The following KTN1 variants were observed in gnomAD, a reference collection of about 807,000 sequenced individuals.
KTN1 encodes kinectin.
KTN1 carries 130 observed loss-of-function variants against 222.5 expected under a neutral mutation model. The observed-to-expected ratio is 0.58, with a 90% CI of 0.51 to 0.68. The LOEUF (loss-of-function observed/expected upper bound fraction) is 0.68, where lower values mean the gene tolerates loss of function less well. KTN1 is among the 30% of genes least tolerant of loss of function. The probability of loss-of-function intolerance (pLI) is 0.00; values close to 1 mark genes in which losing one functional copy is unlikely to be tolerated. For missense variants in KTN1, 1,508 were observed against 1,500.4 expected (o/e 1.01, Z -0.08); for synonymous variants, 512 against 496.3 (o/e 1.03, Z -0.42).
At chr14:55,641,294 G>A (rs115810209) in intron 17 of KTN1, 86 bp downstream of exon 17, 21 of 738,308 alleles carry the variant, frequency 2.8e-5, no homozygotes, top group African/African-American at 2.1e-4. Flanking sequence ...ACTACGTTTT[G>A]TATGAAGTCA....
intron 1 of KTN1, among the ~76,000 whole-genome samples, chr14:55,588,221 GCTA>G (rs537550821): frequency 6.6e-6 from 1 of 152,076 alleles, no homozygotes; most frequent in Non-Finnish European, 1.5e-5. Flanking sequence ...AAAAGAAAAT[GCTA>G]CTAAGAAAAT....
rs2041602202 is a variant in KTN1, at chr14:55,639,992, GAGGAACTTA to G, written c.1907_1914+1del. 6.3e-7 allele frequency: 1 copy of G among 1,591,366 alleles called. No homozygotes were observed. The highest frequency in any genetic ancestry group is 1.3e-5 in the African/African-American group (1 of 74,386). ...ACGTGATCGTTTAACAAGTAAAGAA[GAGGAACTTA>G]AGGTATAGTAATTTGTATAAATGGC... is the stretch of plus-strand genomic sequence containing the variant. On this transcript the variant is annotated inframe_deletion and splice_region_variant, in exon 14 of 44. Coordinates refer to ENST00000395314, the MANE Select transcript of KTN1 (RefSeq NM_001079521.2).
intron 28 of KTN1, 109 bp downstream of exon 28, chr14:55,653,705 T>C: frequency 1.3e-6 from 1 of 751,150 alleles, no homozygotes. Flanking sequence ...ACTTTATTGT[T>C]AAGTGGAAAT....
At chr14:55,652,500 G>C (rs2043023621) in intron 25 of KTN1, among the ~76,000 whole-genome samples, 2 of 149,360 alleles carry the variant, frequency 1.3e-5, no homozygotes, top group African/African-American at 4.9e-5. Flanking sequence ...CCGGGTTCAA[G>C]TGATTGTCTT....
chr14:55,619,635 G>T (rs1344996524), intron 5 of KTN1, among the ~76,000 whole-genome samples: 1 of 152,118 alleles, frequency 6.6e-6, no homozygotes, highest in East Asian at 1.9e-4. Context: ...TGAGAATCAA[G>T]CGAAAGGGGT....
chr14:55,611,099 T>G (rs568370387), intron 1 of KTN1, among the ~76,000 whole-genome samples: 2 of 152,166 alleles, frequency 1.3e-5, no homozygotes, highest in South Asian at 4.1e-4. Flanking sequence ...ACTATTTTAT[T>G]TTTTTGAGAC....
intron 1 of KTN1, among the ~76,000 whole-genome samples, chr14:55,607,065 G>C (rs1017171482): frequency 6.6e-6 from 1 of 152,002 alleles, no homozygotes; most frequent in Non-Finnish European, 1.5e-5. Context: ...TGGTTAAGCA[G>C]CTCTATTGAA....
At chr14:55,683,736 C>A in intron 43 of KTN1, 1 of 180,490 alleles carries the variant, frequency 5.5e-6, no homozygotes, top group Non-Finnish European at 1.1e-5. Flanking sequence ...TATTTCTGCT[C>A]TTTTAAATTA....
chr14:55,613,046 C>A (rs574894920), intron 2 of KTN1, among the ~76,000 whole-genome samples: 8 of 152,270 alleles, frequency 5.3e-5, no homozygotes, highest in African/African-American at 1.9e-4. Context: ...AATCAGATAT[C>A]ATTTCTCACC....
At chr14:55,587,820 A>G (rs1374489618) in intron 1 of KTN1, among the ~76,000 whole-genome samples, 3 of 152,148 alleles carry the variant, frequency 2.0e-5, no homozygotes, top group Non-Finnish European at 2.9e-5. Context: ...CTGGAGAATC[A>G]TTTCTTAAAT....
At chr14:55,652,985 T>A in intron 26 of KTN1, 32 bp from the exon 27 acceptor site, 1 of 1,581,998 alleles carries the variant, frequency 6.3e-7, no homozygotes, top group Non-Finnish European at 8.7e-7. Flanking sequence ...TATACTTGAC[T>A]ATCAATTTAA....
chr14:55,633,092 A>G, intron 7 of KTN1, 143 bp from the exon 8 acceptor site: 1 of 459,306 alleles, frequency 2.2e-6, no homozygotes, highest in Non-Finnish European at 3.9e-6. Flanking sequence ...ATTCTTTTAA[A>G]TTTGTTTATA....
Position 55,656,084 on chromosome 14 carries a change from G to A in KTN1, c.2844G>A (p.Met948Ile). Residue 948 changes from methionine to isoleucine, a missense_variant, in exon 29 of 44, where the codon ATG becomes ATA. Transcript: ENST00000395314. ...ATGAATTGAAGAGGTTAGAAGCCAT[G>A]CTAAAAGAGAGGGAGAGTGATCTTT... ...KENELKRLEAMLKERESDLSS... is the reference protein window; with the variant it reads ...KENELKRLEAILKERESDLSS... The A allele has an allele frequency of 6.2e-7, 1 of 1,611,606 alleles. No individual in the cohort carries two copies. Among genetic ancestry groups the A allele is most frequent in the South Asian group, 1.1e-5 (1 of 90,892 alleles).
At chr14:55,619,371 C>T (rs990205311) in intron 5 of KTN1, 59 bp downstream of exon 5, 2 of 1,552,326 alleles carry the variant, frequency 1.3e-6, no homozygotes. Flanking sequence ...GTTCACCAAA[C>T]AAGACTTTAG....
chr14:55,606,198 A>G (rs1177521560), intron 1 of KTN1, among the ~76,000 whole-genome samples: 2 of 152,204 alleles, frequency 1.3e-5, no homozygotes, highest in Non-Finnish European at 2.9e-5. Flanking sequence ...AAATAATGAA[A>G]TAAAGCTCTT....
Position 55,646,506 on chromosome 14 carries a change from TTTCCTTTCCTTTCC to T in KTN1, c.2173-464_2173-451del, listed in dbSNP as rs1483612448. On this transcript the variant is annotated intron_variant, in intron 18 of 43. Coordinates refer to ENST00000395314, the MANE Select transcript of KTN1 (RefSeq NM_001079521.2). ...TTTCCTTTCCTTTCCTTTCCTTTCC[TTTCCTTTCCTTTCC>T]TTTCCTTTCCTTTCCTTTCCTTTCC... is the stretch of plus-strand genomic sequence containing the variant. Among the ~76,000 whole-genome samples the T allele has an allele frequency of 3.7e-4, 46 of 125,534 alleles. No individual in the cohort carries two copies. In the South Asian group the frequency reaches 0.011, roughly 30 times the overall value. 82.4% of individuals were successfully genotyped at this position (125,534 alleles called of 152,430 possible).
chr14:55,665,806 A>G (rs911034880), intron 33 of KTN1, among the ~76,000 whole-genome samples: 2 of 152,054 alleles, frequency 1.3e-5, no homozygotes, highest in African/African-American at 2.4e-5. Context: ...GTCTATAACC[A>G]AACTACTGTG....
At chr14:55,582,413 C>G (rs895575623) in intron 1 of KTN1, among the ~76,000 whole-genome samples, 2 of 151,980 alleles carry the variant, frequency 1.3e-5, no homozygotes, top group African/African-American at 4.8e-5. Flanking sequence ...GAGCCTAAGA[C>G]GTGAAAACCT....
At chr14:55,584,960 C>G (rs931552326) in intron 1 of KTN1, among the ~76,000 whole-genome samples, 2 of 151,774 alleles carry the variant, frequency 1.3e-5, no homozygotes, top group Non-Finnish European at 2.9e-5. Context: ...TGGCAAAACC[C>G]CATCTTTAAA....
Sources: allele counts gnomAD v4.1 joint callset (sites outside exome capture counted in the v4.1 genomes callset), GRCh38; gene constraint gnomAD v4.1.1; transcripts MANE v1.5; gene names NCBI Gene and HGNC (gene_info 2026-07-23, HGNC 2026-07-21).